The following CDKN2B-AS1 variants were observed in gnomAD, a reference collection of about 807,000 sequenced individuals.
CDKN2B-AS1 encodes the protein CDKN2B and CDKN2A antisense cis and trans regulatory RNA 1.
chr9:22,038,889 T>C (rs1356147085), intron 1 of CDKN2B-AS1, among the ~76,000 whole-genome samples: 2 of 152,098 alleles, frequency 1.3e-5, no homozygotes, highest in Non-Finnish European at 2.9e-5. Flanking sequence ...GTATAGTGTA[T>C]GCATAGTAAG....
In CDKN2B-AS1 at chr9:22,006,341, C is replaced by G; in HGVS notation, n.29+11180C>G. On this transcript the variant is annotated intron_variant and non_coding_transcript_variant, in intron 1 of 4. Coordinates refer to ENST00000650946, the Ensembl canonical transcript of CDKN2B-AS1. The surrounding 1 kb of genome is among the most constrained non-coding windows in gnomAD (Gnocchi z 6.4). ...GCAGGTGGAGCCATTTAAAGAAACACCTAATTGCAAAGTTTTCACCCAGTG... is the reference window on the plus strand; with the variant it reads ...GCAGGTGGAGCCATTTAAAGAAACAGCTAATTGCAAAGTTTTCACCCAGTG... 6.5e-7 allele frequency: 1 copy of G among 1,540,004 alleles called. No individual in the cohort carries two copies. The highest frequency in any genetic ancestry group is 1.2e-5 in the South Asian group (1 of 86,586).
exon 5 of CDKN2B-AS1, among the ~76,000 whole-genome samples, chr9:22,127,615 A>T (rs1306268252): frequency 1.3e-5 from 2 of 152,114 alleles, no homozygotes; most frequent in African/African-American, 4.8e-5. Context: ...TGAGTGTTGC[A>T]CCTGTGTCCA....
chr9:22,113,871 T>C (rs1825867812), intron 4 of CDKN2B-AS1: 1 of 152,228 alleles, frequency 6.6e-6, no homozygotes, highest in Admixed American at 6.5e-5. Flanking sequence ...AATAGTCAAC[T>C]TTCTATTTTA....
chr9:22,125,922 CTAG>C (rs1818011509), intron 4 of CDKN2B-AS1, among the ~76,000 whole-genome samples: 11 of 152,144 alleles, frequency 7.2e-5, no homozygotes, highest in Admixed American at 3.9e-4. Flanking sequence ...AACGAAAAAT[CTAG>C]ATACAAAATT....
chr9:22,056,228 A>T (rs1450491037), intron 3 of CDKN2B-AS1: 2 of 89,876 alleles, frequency 2.2e-5, no homozygotes, highest in Admixed American at 1.5e-4. Flanking sequence ...ATATATATAT[A>T]TATATATTTT....
intron 3 of CDKN2B-AS1, among the ~76,000 whole-genome samples, chr9:22,055,856 C>A (rs1005634472): frequency 1.8e-4 from 27 of 151,864 alleles, no homozygotes; most frequent in African/African-American, 5.6e-4. Flanking sequence ...GTTTGGGGGG[C>A]CTATATTGGC....
chr9:22,046,190 A>C (rs1256850094), intron 1 of CDKN2B-AS1: 1 of 152,144 alleles, frequency 6.6e-6, no homozygotes, highest in Non-Finnish European at 1.5e-5. Context: ...TCTAGCAATA[A>C]TTCAAGAAAA....
At chr9:22,061,780 G>T (rs374547255) in intron 4 of CDKN2B-AS1, among the ~76,000 whole-genome samples, 84 of 152,166 alleles carry the variant, frequency 5.5e-4, no homozygotes, top group African/African-American at 1.6e-3. Context: ...TTTACAAAAG[G>T]GGGGAGGGAA....
intron 4 of CDKN2B-AS1, chr9:22,092,508 A>G (rs1336232163): frequency 6.6e-6 from 1 of 152,060 alleles, no homozygotes; most frequent in African/African-American, 2.4e-5. Context: ...AGAGCCTGTT[A>G]TTGCTTTATT....
At chr9:22,078,511 C>A (rs532533678) in intron 4 of CDKN2B-AS1, among the ~76,000 whole-genome samples, 4 of 152,230 alleles carry the variant, frequency 2.6e-5, no homozygotes, top group African/African-American at 9.6e-5. Context: ...GTGTTGCATT[C>A]AATTTGAACA....
chr9:22,037,832 A>G (rs1319826009), intron 1 of CDKN2B-AS1, among the ~76,000 whole-genome samples: 1 of 152,060 alleles, frequency 6.6e-6, no homozygotes, highest in Non-Finnish European at 1.5e-5. Context: ...TTAAGCTTTT[A>G]TTCAATTTTA....
intron 4 of CDKN2B-AS1, chr9:22,066,178 T>C (rs1003228104): frequency 6.6e-6 from 1 of 151,848 alleles, no homozygotes; most frequent in African/African-American, 2.4e-5. Flanking sequence ...AGAGCTGAAA[T>C]CTTCTAGGTA....
intron 1 of CDKN2B-AS1, chr9:22,030,170 A>G (rs186504577): frequency 2.0e-5 from 3 of 152,308 alleles, no homozygotes; most frequent in African/African-American, 7.2e-5. Context: ...CTGCAGTTAA[A>G]CAGCTCACCA....
At chr9:22,069,679 G>A (rs373085539) in intron 4 of CDKN2B-AS1, among the ~76,000 whole-genome samples, 5 of 152,178 alleles carry the variant, frequency 3.3e-5, no homozygotes, top group East Asian at 3.9e-4. Flanking sequence ...ACATTCAAAA[G>A]CCTCTCTTCT....
chr9:22,083,410 G>T (rs767677973), intron 4 of CDKN2B-AS1, among the ~76,000 whole-genome samples: 10 of 152,184 alleles, frequency 6.6e-5, no homozygotes, highest in Non-Finnish European at 1.3e-4. Flanking sequence ...GAATGCTACC[G>T]CTGGGACAGA....
chr9:22,001,641 T>C lies in CDKN2B-AS1; in HGVS notation n.29+6480T>C, dbSNP rs1195477630. 6.6e-6 allele frequency among the ~76,000 whole-genome samples: 1 copy of C among 152,144 alleles called. No individual in the cohort carries two copies. The highest frequency in any genetic ancestry group is 1.5e-5 in the Non-Finnish European group (1 of 67,980). ...TATTATGTAATTAATAGGGCCTATA[T>C]GTGAAAGTTACTGTGTTTCTGTAAA... is the stretch of plus-strand genomic sequence containing the variant. On this transcript the variant is annotated intron_variant and non_coding_transcript_variant, in intron 1 of 4. Coordinates refer to ENST00000650946, the Ensembl canonical transcript of CDKN2B-AS1. This position sits in a 1 kb window ranked among gnomAD's most constrained non-coding sequence, Gnocchi z 4.2.
intron 4 of CDKN2B-AS1, among the ~76,000 whole-genome samples, chr9:22,082,992 A>G (rs997129720): frequency 1.3e-5 from 2 of 152,210 alleles, no homozygotes; most frequent in African/African-American, 4.8e-5. Flanking sequence ...TGTCACAGAA[A>G]AGAAGGCTGG....
chr9:22,082,054 A>C (rs546272966), intron 4 of CDKN2B-AS1, among the ~76,000 whole-genome samples: 2 of 152,286 alleles, frequency 1.3e-5, no homozygotes, highest in East Asian at 3.9e-4. Context: ...CTCCAGACCT[A>C]CCTATACTTA....
At chr9:22,113,275 C>T (rs1188662923) in intron 4 of CDKN2B-AS1, among the ~76,000 whole-genome samples, 2 of 152,158 alleles carry the variant, frequency 1.3e-5, no homozygotes, top group African/African-American at 2.4e-5. Flanking sequence ...TCAAGCCATC[C>T]ATATGATCCC....
Sources: allele counts gnomAD v4.1 joint callset (sites outside exome capture counted in the v4.1 genomes callset), GRCh38; gene constraint gnomAD v4.1.1; non-coding constraint Gnocchi (gnomAD v3.1); transcripts MANE v1.5; gene names NCBI Gene and HGNC (gene_info 2026-07-23, HGNC 2026-07-21).